Variants in NBAS observed in about 807,000 individuals in gnomAD.
NBAS encodes the protein NBAS subunit of NRZ tethering complex.
Under a neutral mutation model 302.5 loss-of-function variants are expected in NBAS, and 219 were observed. That is an observed-to-expected ratio of 0.72 (90% CI 0.65 to 0.81). The LOEUF is 0.81. Ranked by LOEUF, NBAS falls within the 30% of genes least tolerant of loss-of-function variation. The probability of loss-of-function intolerance (pLI) is 0.00; values close to 1 mark genes in which losing one functional copy is unlikely to be tolerated. For missense variants in NBAS, 2,932 were observed against 2,841.6 expected (o/e 1.03, Z -0.72); for synonymous variants, 1,118 against 1,021.6 (o/e 1.09, Z -1.80).
the NBAS span, among the ~76,000 whole-genome samples, chr2:15,050,475 A>G: frequency 6.6e-6 from 1 of 152,186 alleles, no homozygotes; most frequent in Admixed American, 6.5e-5. Context: ...GCATCCCACC[A>G]TTAAGCACAG....
chr2:14,879,335 TTC>T, the NBAS span, among the ~76,000 whole-genome samples: 2 of 152,184 alleles, frequency 1.3e-5, no homozygotes, highest in Non-Finnish European at 2.9e-5. Context: ...GAGTATATTC[TTC>T]TCACTGTTTT....
Position 15,244,685 on chromosome 2 carries a change from G to A in NBAS, c.5725-5999C>T, listed in dbSNP as rs115181179. Among the ~76,000 whole-genome samples the A allele has an allele frequency of 3.6e-3, 545 of 152,232 alleles. 3 individuals carry two copies. The highest frequency in any genetic ancestry group is 0.012 in the African/African-American group (518 of 41,528). On this transcript the variant is annotated intron_variant, in intron 44 of 51. Coordinates refer to ENST00000281513, the MANE Select transcript of NBAS (RefSeq NM_015909.4). Reference sequence around the variant, plus strand: ...TCTGGATCACAGCTGGACCTGATGCGCAGCCTACTGAGTATTATGCCAACT... The same window carrying A: ...TCTGGATCACAGCTGGACCTGATGCACAGCCTACTGAGTATTATGCCAACT...
At chr2:15,316,970 G>A (rs1196907587) in intron 38 of NBAS, among the ~76,000 whole-genome samples, 1 of 152,220 alleles carries the variant, frequency 6.6e-6, no homozygotes, top group Admixed American at 6.5e-5. Flanking sequence ...ACGCTTCCCA[G>A]TAGGGGCCAA....
intron 44 of NBAS, among the ~76,000 whole-genome samples, chr2:15,257,085 C>T (rs1270283351): frequency 6.6e-6 from 1 of 152,096 alleles, no homozygotes; most frequent in African/African-American, 2.4e-5. Context: ...GGAAAGATTC[C>T]CTCTTTCTCT....
At chr2:15,332,911 C>CA (rs1433664082) in intron 35 of NBAS, among the ~76,000 whole-genome samples, 1 of 152,178 alleles carries the variant, frequency 6.6e-6, no homozygotes, top group Admixed American at 6.5e-5. Flanking sequence ...TGGTGTTCCA[C>CA]ACATGAACTC....
the NBAS span, among the ~76,000 whole-genome samples, chr2:14,909,623 T>A: frequency 7.2e-5 from 11 of 152,280 alleles, no homozygotes; most frequent in African/African-American, 2.6e-4. Flanking sequence ...CATGCTGTTG[T>A]AGGAAAAATT....
At chr2:15,193,724 A>G (rs1457600269) in intron 48 of NBAS, among the ~76,000 whole-genome samples, 1 of 152,140 alleles carries the variant, frequency 6.6e-6, no homozygotes, top group Non-Finnish European at 1.5e-5. Context: ...ATATATAACA[A>G]GTGCGAATCC....
chr2:14,944,802 C>A, the NBAS span, among the ~76,000 whole-genome samples: 87 of 152,216 alleles, frequency 5.7e-4, no homozygotes, highest in South Asian at 0.017. Context: ...GTCCCTCCCC[C>A]CATTCTGCCC....
chr2:15,558,657 C>T, intron 1 of NBAS, 23 bp from the exon 2 acceptor site: 1 of 1,587,098 alleles, frequency 6.3e-7, no homozygotes, highest in Non-Finnish European at 8.6e-7. Context: ...ACAAAAAACA[C>T]TTACATTTGA....
At chr2:14,819,700 G>A in the NBAS span, among the ~76,000 whole-genome samples, 1 of 152,072 alleles carries the variant, frequency 6.6e-6, no homozygotes, top group South Asian at 2.1e-4. Flanking sequence ...CACAGCAAAG[G>A]TTACAATCAA....
At chr2:15,393,254 A>G (rs1276172977) in intron 28 of NBAS, among the ~76,000 whole-genome samples, 4 of 152,092 alleles carry the variant, frequency 2.6e-5, no homozygotes, top group Non-Finnish European at 5.9e-5. Flanking sequence ...AAGGTAAAAT[A>G]ATGAAAAGAC....
chr2:15,448,004 A>G (rs1678830367), intron 21 of NBAS, among the ~76,000 whole-genome samples: 1 of 152,156 alleles, frequency 6.6e-6, no homozygotes, highest in African/African-American at 2.4e-5. Context: ...AAGGAACAAA[A>G]TGGCAAGAGA....
intron 49 of NBAS, among the ~76,000 whole-genome samples, chr2:15,187,730 G>C (rs1665155427): frequency 6.6e-6 from 1 of 152,112 alleles, no homozygotes; most frequent in Non-Finnish European, 1.5e-5. Flanking sequence ...TATTTATGAA[G>C]AGTCTGTTGG....
At chr2:15,121,043 G>A in the NBAS span, among the ~76,000 whole-genome samples, 1 of 152,042 alleles carries the variant, frequency 6.6e-6, no homozygotes, top group South Asian at 2.1e-4. Context: ...CAATAGTTTT[G>A]CTCAATATCG....
At chr2:15,198,398 G>A (rs1665715815) in intron 48 of NBAS, among the ~76,000 whole-genome samples, 1 of 152,178 alleles carries the variant, frequency 6.6e-6, no homozygotes, top group Non-Finnish European at 1.5e-5. Flanking sequence ...AGATCAGGAA[G>A]GGGACAAGGT....
chr2:15,129,962 G>A, the NBAS span, among the ~76,000 whole-genome samples: 76 of 152,246 alleles, frequency 5.0e-4, no homozygotes, highest in East Asian at 2.1e-3. Context: ...GCCATTAGCC[G>A]CATTTTGTAC....
intron 48 of NBAS, among the ~76,000 whole-genome samples, chr2:15,202,984 C>T (rs1209883392): frequency 6.6e-6 from 1 of 152,120 alleles, no homozygotes; most frequent in Non-Finnish European, 1.5e-5. Flanking sequence ...TGAATATTGG[C>T]CCTGTCACTT....
At chr2:15,309,872 T>G (rs1462877899) in intron 38 of NBAS, among the ~76,000 whole-genome samples, 1 of 152,098 alleles carries the variant, frequency 6.6e-6, no homozygotes, top group Non-Finnish European at 1.5e-5. Context: ...AACATAAGAG[T>G]ATGCATTGTC....
Position 15,337,691 on chromosome 2 carries a change from G to T in NBAS, c.4180-6926C>A, listed in dbSNP as rs574875867. 1.6e-4 allele frequency among the ~76,000 whole-genome samples: 24 copies of T among 152,216 alleles called. 1 individual carries two copies. The highest frequency in any genetic ancestry group is 5.8e-4 in the African/African-American group (24 of 41,546). ...TTTCTGTAAGAGCTTCTCCTAATGAGAATCATGAAAGAGAAAGTAAAATGA... is the reference window on the plus strand; with the variant it reads ...TTTCTGTAAGAGCTTCTCCTAATGATAATCATGAAAGAGAAAGTAAAATGA... On this transcript the variant is annotated intron_variant, in intron 35 of 51. Coordinates refer to ENST00000281513, the MANE Select transcript of NBAS (RefSeq NM_015909.4).
Sources: allele counts gnomAD v4.1 joint callset (sites outside exome capture counted in the v4.1 genomes callset), GRCh38; gene constraint gnomAD v4.1.1; transcripts MANE v1.5; gene names NCBI Gene and HGNC (gene_info 2026-07-23, HGNC 2026-07-21).